Variants in ESR1 observed in about 807,000 individuals in gnomAD.
ESR1 encodes estrogen receptor.
ESR1 carries 12 observed loss-of-function variants against 52.7 expected under a neutral mutation model. That is an observed-to-expected ratio of 0.23 (90% CI 0.15 to 0.37). The LOEUF is 0.37. ESR1 is among the 10% of genes least tolerant of loss of function. The pLI is 1.00. For missense variants in ESR1, 584 were observed against 779.7 expected (o/e 0.75, Z 2.99); for synonymous variants, 305 against 316.8 (o/e 0.96, Z 0.39).
chr6:151,923,218 G>A (rs1242264998), intron 3 of ESR1, among the ~76,000 whole-genome samples: 1 of 152,136 alleles, frequency 6.6e-6, no homozygotes, highest in Non-Finnish European at 1.5e-5. Context: ...TAGTGAGTTT[G>A]CTTCATGTAT....
At chr6:151,970,963 G>GA (rs1446414299) in intron 4 of ESR1, among the ~76,000 whole-genome samples, 1 of 152,108 alleles carries the variant, frequency 6.6e-6, no homozygotes, top group Non-Finnish European at 1.5e-5. Context: ...TCTTTACTCT[G>GA]TTATATTTCA....
intron 2 of ESR1, among the ~76,000 whole-genome samples, chr6:151,780,543 G>A (rs1447538968): frequency 6.6e-6 from 1 of 152,132 alleles, no homozygotes; most frequent in Non-Finnish European, 1.5e-5. Context: ...TTGGTGTGGG[G>A]TAGCCTGGGC....
chr6:152,060,561 A>G (rs1191075789), intron 5 of ESR1, among the ~76,000 whole-genome samples: 1 of 152,188 alleles, frequency 6.6e-6, no homozygotes, highest in East Asian at 1.9e-4. Flanking sequence ...GACTTGTTAC[A>G]TTATTTGAAG....
intron 1 of ESR1, chr6:151,814,101 G>A (rs908200127): frequency 6.6e-6 from 1 of 152,348 alleles, no homozygotes; most frequent in South Asian, 2.1e-4. Context: ...CAAGTTAGGG[G>A]CCCCAGCAGC....
At position 152,011,774 on chromosome 6, in the gene ESR1, T is replaced by C. The variant is rs1317463397; in HGVS notation, c.1215T>C (p.Ala405=). ...SMEHPGKLLF[A]PNLLLDRNQG... is the part of the protein sequence containing the mutation. ...AGCACCCAGGGAAGCTACTGTTTGC[T>C]CCTAACTTGCTCTTGGACAGGTAAG... Residue 405 remains alanine, a synonymous_variant, in exon 5 of 8, where the codon GCT becomes GCC. Coordinates refer to ENST00000206249, the MANE Select transcript of ESR1 (RefSeq NM_000125.4). 4.3e-6 allele frequency: 7 copies of C among 1,613,164 alleles called. No individual in the cohort carries two copies. The highest frequency in any genetic ancestry group is 3.3e-5 in the Admixed American group (2 of 59,910).
In ESR1 at chr6:152,122,624, A is replaced by C. The variant is rs886044316; in HGVS notation, c.851-2642A>C. Reference sequence around the variant, plus strand: ...ACTCTGAACAGGAAGCCGCGGCCGGACCGACCTGGCCCTGGCTCAGAAAGG... The same window carrying C: ...ACTCTGAACAGGAAGCCGCGGCCGGCCCGACCTGGCCCTGGCTCAGAAAGG... On this transcript the variant is annotated intron_variant, in intron 6 of 6. Transcript: ENST00000427531. 7.4e-6 allele frequency: 12 copies of C among 1,613,998 alleles called. No individual in the cohort carries two copies. The highest frequency in any genetic ancestry group is 1.3e-5 in the African/African-American group (1 of 74,918).
chr6:152,047,261 C>T lies in ESR1; in HGVS notation c.1236-13730C>T, dbSNP rs186815133. 6.8e-4 allele frequency among the ~76,000 whole-genome samples: 102 copies of T among 150,558 alleles called. No individual in the cohort carries two copies. The East Asian group carries it at 0.017, about 25-fold the overall frequency. On this transcript the variant is annotated intron_variant, in intron 5 of 7. Transcript: ENST00000206249. ...ATGGAAAGTAAGGGACCTTCACCAACTAGCAAAGTGCTTAGGACCTAGTAA... is the reference window on the plus strand; with the variant it reads ...ATGGAAAGTAAGGGACCTTCACCAATTAGCAAAGTGCTTAGGACCTAGTAA...
chr6:151,784,762 G>GT (rs1390443291), intron 2 of ESR1, among the ~76,000 whole-genome samples: 5 of 152,176 alleles, frequency 3.3e-5, no homozygotes, highest in African/African-American at 7.2e-5. Context: ...CCAAAGATAA[G>GT]TTTTTTGAAC....
intron 5 of ESR1, among the ~76,000 whole-genome samples, chr6:152,014,842 T>C (rs1267027059): frequency 1.3e-5 from 2 of 152,134 alleles, no homozygotes; most frequent in Non-Finnish European, 2.9e-5. Context: ...GTGATCATGA[T>C]GCTTCCTGAC....
chr6:151,843,372 G>A (rs142304466), intron 2 of ESR1, among the ~76,000 whole-genome samples: 1 of 152,192 alleles, frequency 6.6e-6, no homozygotes. Context: ...CAGTTATTAA[G>A]TATCTACCTG....
chr6:152,096,440 G>C (rs551806412), intron 7 of ESR1, among the ~76,000 whole-genome samples: 106 of 152,268 alleles, frequency 7.0e-4, no homozygotes, highest in African/African-American at 2.4e-3. Flanking sequence ...AAAATTATTA[G>C]CTCCTGGGAA....
chr6:151,955,943 A>G (rs1242065106), intron 4 of ESR1, among the ~76,000 whole-genome samples: 2 of 151,958 alleles, frequency 1.3e-5, no homozygotes, highest in Non-Finnish European at 2.9e-5. Flanking sequence ...CTCATTATTT[A>G]GCTCCTACTT....
At chr6:151,920,284 C>T (rs144648205) in intron 3 of ESR1, among the ~76,000 whole-genome samples, 4 of 148,700 alleles carry the variant, frequency 2.7e-5, no homozygotes, top group African/African-American at 1.0e-4. Context: ...TATGAAAGTA[C>T]TTCTTGCCCT....
intron 1 of ESR1, among the ~76,000 whole-genome samples, chr6:151,662,335 A>C (rs1310371263): frequency 6.6e-6 from 1 of 152,126 alleles, no homozygotes; most frequent in Non-Finnish European, 1.5e-5. Context: ...CCAGTTCTGG[A>C]AAATAATCAT....
intron 3 of ESR1, among the ~76,000 whole-genome samples, chr6:151,886,848 C>T (rs900144816): frequency 6.6e-6 from 1 of 151,992 alleles, no homozygotes; most frequent in Non-Finnish European, 1.5e-5. Context: ...TGAGACCAGC[C>T]TGACCAACAT....
chr6:152,089,418 A>G (rs1035741081), intron 6 of ESR1, among the ~76,000 whole-genome samples: 4 of 152,028 alleles, frequency 2.6e-5, no homozygotes, highest in East Asian at 1.9e-4. Context: ...AATTAAATGC[A>G]TGGTTGAAAA....
chr6:151,891,643 T>C, intron 3 of ESR1, among the ~76,000 whole-genome samples: 1 of 152,180 alleles, frequency 6.6e-6, no homozygotes, highest in East Asian at 1.9e-4. Context: ...AAACCAAGTC[T>C]CCTGACCCAT....
At chr6:151,857,207 A>G (rs891979628) in intron 2 of ESR1, among the ~76,000 whole-genome samples, 2 of 152,180 alleles carry the variant, frequency 1.3e-5, no homozygotes, top group African/African-American at 2.4e-5. Context: ...TGTGCTGAAC[A>G]CATACAGAGA....
intron 5 of ESR1, among the ~76,000 whole-genome samples, chr6:152,042,373 T>A (rs2128900278): frequency 6.6e-6 from 1 of 152,314 alleles, no homozygotes; most frequent in East Asian, 1.9e-4. Flanking sequence ...AAGCCCCTAC[T>A]TTAACTGGAG....
Sources: allele counts gnomAD v4.1 joint callset (sites outside exome capture counted in the v4.1 genomes callset), GRCh38; gene constraint gnomAD v4.1.1; transcripts MANE v1.5; gene names NCBI Gene and HGNC (gene_info 2026-07-23, HGNC 2026-07-21).